PLXDC2: variants seen among roughly 807,000 people sequenced by gnomAD.
PLXDC2 encodes plexin domain-containing protein 2.
In PLXDC2, 40 loss-of-function variants were observed where a neutral mutation model predicts 68.9. The observed-to-expected ratio is 0.58, with a 90% confidence interval of 0.45 to 0.76. The LOEUF (loss-of-function observed/expected upper bound fraction) is 0.76, where lower values mean the gene tolerates loss of function less well. Ranked by LOEUF, PLXDC2 falls within the 30% of genes least tolerant of loss-of-function variation. The pLI, the probability that PLXDC2 is intolerant of heterozygous loss-of-function variation, is 0.00. For synonymous variants in PLXDC2, 243 were observed against 234.2 expected, an observed-to-expected ratio of 1.04 and a Z score of -0.34; for missense variants, 644 against 661.9, an observed-to-expected ratio of 0.97 and a Z score of 0.30.
chr10:20,033,228 C>T (rs1243851267), intron 2 of PLXDC2, among the ~76,000 whole-genome samples: 5 of 151,410 alleles, frequency 3.3e-5, no homozygotes, highest in Non-Finnish European at 7.4e-5. Context: ...ATAAAAGGAT[C>T]CAAAAGAAGA....
chr10:20,256,960 C>T (rs1030169867), intron 13 of PLXDC2, among the ~76,000 whole-genome samples: 3 of 152,130 alleles, frequency 2.0e-5, no homozygotes, highest in Admixed American at 2.0e-4. Flanking sequence ...AGAGTAAGTA[C>T]CCCATACTTT....
At chr10:20,097,537 G>T (rs545599164) in intron 4 of PLXDC2, among the ~76,000 whole-genome samples, 3 of 151,796 alleles carry the variant, frequency 2.0e-5, no homozygotes, top group Admixed American at 6.6e-5. Flanking sequence ...TACCTTTTGC[G>T]CTTTGCATGA....
intron 6 of PLXDC2, among the ~76,000 whole-genome samples, chr10:20,154,950 C>A (rs939816343): frequency 1.1e-4 from 16 of 152,012 alleles, no homozygotes; most frequent in African/African-American, 3.9e-4. Context: ...TATCCATTTT[C>A]TTGGTTGAAT....
At chr10:19,907,940 A>G (rs1205873846) in intron 1 of PLXDC2, among the ~76,000 whole-genome samples, 1 of 152,154 alleles carries the variant, frequency 6.6e-6, no homozygotes, top group African/African-American at 2.4e-5. Context: ...CTGGTACCAC[A>G]TGGGCACCAG....
intron 1 of PLXDC2, among the ~76,000 whole-genome samples, chr10:19,956,603 A>T (rs1834073795): frequency 6.6e-6 from 1 of 152,214 alleles, no homozygotes; most frequent in South Asian, 2.1e-4. Context: ...TATTATGTAG[A>T]TTAATAGGTA....
chr10:20,189,556 C>CACATATAT (rs369119157), intron 9 of PLXDC2, among the ~76,000 whole-genome samples: 1 of 124,758 alleles, frequency 8.0e-6, no homozygotes, highest in East Asian at 2.2e-4. Flanking sequence ...CACACACACA[C>CACATATAT]ATATATATAT....
chr10:20,080,459 TAAGAG>T (rs1190696178), intron 4 of PLXDC2, among the ~76,000 whole-genome samples: 1 of 152,104 alleles, frequency 6.6e-6, no homozygotes, highest in African/African-American at 2.4e-5. Flanking sequence ...CCTGAAGGTC[TAAGAG>T]CCCCTGGCAA....
chr10:19,889,997 C>A (rs184706010), intron 1 of PLXDC2, among the ~76,000 whole-genome samples: 62 of 152,300 alleles, frequency 4.1e-4, no homozygotes, highest in Non-Finnish European at 7.2e-4. Context: ...GGGATCCTAA[C>A]AGAGGCAGTC....
At chr10:20,059,836 T>C (rs17689614) in intron 3 of PLXDC2, among the ~76,000 whole-genome samples, 2,472 of 152,280 alleles carry the variant, frequency 0.016, 26 homozygotes, top group Non-Finnish European at 0.025. Context: ...ACTATGCTAT[T>C]TTATTTTGGG....
chr10:20,219,581 G>C (rs1347615949), intron 12 of PLXDC2, among the ~76,000 whole-genome samples: 1 of 152,108 alleles, frequency 6.6e-6, no homozygotes, highest in Non-Finnish European at 1.5e-5. Flanking sequence ...TATCTTGTTG[G>C]TAACATACTT....
At chr10:19,975,255 C>T (rs1834430500) in intron 1 of PLXDC2, among the ~76,000 whole-genome samples, 1 of 151,822 alleles carries the variant, frequency 6.6e-6, no homozygotes, top group South Asian at 2.1e-4. Context: ...GAGATTGAGA[C>T]CATCCTGGCT....
At chr10:20,274,316 C>T (rs1588556094) in intron 13 of PLXDC2, among the ~76,000 whole-genome samples, 1 of 152,142 alleles carries the variant, frequency 6.6e-6, no homozygotes, top group Admixed American at 6.6e-5. Context: ...TGACTTTGTA[C>T]TTTAAAGATA....
At chr10:20,194,149 ATT>A (rs1316273832) in intron 9 of PLXDC2, among the ~76,000 whole-genome samples, 1 of 149,238 alleles carries the variant, frequency 6.7e-6, no homozygotes, top group Non-Finnish European at 1.5e-5. Flanking sequence ...ATTTTTAAGC[ATT>A]GTTATTAACT....
At chr10:20,079,634 G>A (rs1408689847) in intron 4 of PLXDC2, among the ~76,000 whole-genome samples, 2 of 152,148 alleles carry the variant, frequency 1.3e-5, no homozygotes, top group Non-Finnish European at 2.9e-5. Context: ...TACTTTGCAG[G>A]GACATGCATG....
At chr10:19,826,033 A>G (rs1469710561) in intron 1 of PLXDC2, among the ~76,000 whole-genome samples, 1 of 152,244 alleles carries the variant, frequency 6.6e-6, no homozygotes, top group Non-Finnish European at 1.5e-5. Flanking sequence ...AAATTACATA[A>G]ATGCAATCTG....
chr10:20,037,034 G>A (rs747358442), intron 2 of PLXDC2, among the ~76,000 whole-genome samples: 1 of 152,126 alleles, frequency 6.6e-6, no homozygotes, highest in African/African-American at 2.4e-5. Context: ...ATCACTTTCT[G>A]TTTGCCTTTT....
At chr10:19,860,307 C>G (rs1184251891) in intron 1 of PLXDC2, among the ~76,000 whole-genome samples, 4 of 152,170 alleles carry the variant, frequency 2.6e-5, no homozygotes, top group Admixed American at 6.5e-5. Context: ...TAAGAGCAAA[C>G]AAAGTCTGCT....
At chr10:19,906,586 T>A (rs1275899936) in intron 1 of PLXDC2, among the ~76,000 whole-genome samples, 1 of 152,014 alleles carries the variant, frequency 6.6e-6, no homozygotes, top group Non-Finnish European at 1.5e-5. Flanking sequence ...GGGAGGTGGT[T>A]AGGGGTGTGG....
chr10:20,097,650 T>C (rs1833368818), intron 4 of PLXDC2, among the ~76,000 whole-genome samples: 1 of 152,102 alleles, frequency 6.6e-6, no homozygotes, highest in Non-Finnish European at 1.5e-5. Context: ...CAACAACTTA[T>C]ACTGTACAGC....
Sources: gnomAD v4.1 joint callset for allele counts (sites outside exome capture counted in the v4.1 genomes callset) on GRCh38, gnomAD v4.1.1 for gene constraint, MANE v1.5 for transcripts, NCBI Gene and HGNC (gene_info 2026-07-23, HGNC 2026-07-21) for gene names.